Variants in STIM2 observed in about 807,000 individuals in gnomAD.
STIM2 encodes the protein stromal interaction molecule 2.
Under a neutral mutation model 85.8 loss-of-function variants are expected in STIM2, and 31 were observed. That is an observed-to-expected ratio of 0.36 (90% confidence interval 0.27 to 0.49). The LOEUF (loss-of-function observed/expected upper bound fraction) is 0.49, where lower values mean the gene tolerates loss of function less well. Ranked by LOEUF, STIM2 falls within the 20% of genes least tolerant of loss-of-function variation. The pLI, the probability that STIM2 is intolerant of heterozygous loss-of-function variation, is 0.98. For synonymous variants in STIM2, 356 were observed against 331.1 expected, an observed-to-expected ratio of 1.08 and a Z score of -0.82; for missense variants, 841 against 927.6, an observed-to-expected ratio of 0.91 and a Z score of 1.21.
chr4:26,999,966 T>TTAA (rs1474857822), intron 5 of STIM2, among the ~76,000 whole-genome samples: 1 of 152,110 alleles, frequency 6.6e-6, no homozygotes, highest in Non-Finnish European at 1.5e-5. Flanking sequence ...GAAGAGAAAT[T>TTAA]TAATATGTTT....
chr4:27,017,133 C>T (rs897992559), intron 10 of STIM2, among the ~76,000 whole-genome samples: 1 of 152,172 alleles, frequency 6.6e-6, no homozygotes, highest in Non-Finnish European at 1.5e-5. Context: ...GCATGAGTCT[C>T]AACTGAGACT....
intron 3 of STIM2, among the ~76,000 whole-genome samples, chr4:26,962,169 T>C (rs1032561292): frequency 6.6e-6 from 1 of 152,192 alleles, no homozygotes. Flanking sequence ...TTATGAATAG[T>C]GAGGCATTGG....
chr4:26,861,495 C>A (rs1010146867), intron 1 of STIM2, 126 bp downstream of exon 1: 1 of 1,216,570 alleles, frequency 8.2e-7, no homozygotes, highest in Non-Finnish European at 1.0e-6. Context: ...CGATGCGGAG[C>A]CCTGCCTGCT....
rs547199308 is a variant in STIM2 at position 26,892,224 on chromosome 4, T to A, written c.152-27280T>A. ...GTGAAAATGAACGAATACATCAGGC[T>A]TTAAGAAATTACCAAAGACTGCGTG... On this transcript the variant is annotated intron_variant, in intron 1 of 11. Transcript: ENST00000467087. 2.0e-5 allele frequency among the ~76,000 whole-genome samples: 3 copies of A among 152,358 alleles called. No individual in the cohort carries two copies. In the East Asian group the frequency reaches 5.8e-4, roughly 29 times the overall value.
At chr4:26,906,547 A>T (rs1724132929) in intron 1 of STIM2, among the ~76,000 whole-genome samples, 1 of 151,888 alleles carries the variant, frequency 6.6e-6, no homozygotes, top group Admixed American at 6.6e-5. Context: ...CTCAAAAAAA[A>T]TTTAAGATAT....
intron 2 of STIM2, among the ~76,000 whole-genome samples, chr4:26,930,160 A>G (rs1433135008): frequency 6.6e-6 from 1 of 152,186 alleles, no homozygotes; most frequent in Non-Finnish European, 1.5e-5. Context: ...TGTTGATTGC[A>G]TTCAAGGCTG....
chr4:26,943,845 C>CA (rs774610162), intron 2 of STIM2, among the ~76,000 whole-genome samples: 2 of 152,058 alleles, frequency 1.3e-5, no homozygotes, highest in African/African-American at 2.4e-5. Flanking sequence ...TTCCTGTAGT[C>CA]ACACTGAAAA....
chr4:26,994,080 G>A (rs1340332680), intron 3 of STIM2, among the ~76,000 whole-genome samples: 1 of 151,856 alleles, frequency 6.6e-6, no homozygotes, highest in Non-Finnish European at 1.5e-5. Context: ...GTCTTTTCTG[G>A]TTGATGTCAT....
At chr4:26,998,774 T>A (rs1486041091) in intron 4 of STIM2, among the ~76,000 whole-genome samples, 2 of 151,702 alleles carry the variant, frequency 1.3e-5, no homozygotes, top group African/African-American at 4.8e-5. Context: ...TACCCAGGCG[T>A]GGTGGCACGT....
intron 2 of STIM2, among the ~76,000 whole-genome samples, chr4:26,921,180 T>C (rs551858228): frequency 2.4e-4 from 37 of 152,270 alleles, no homozygotes; most frequent in Non-Finnish European, 4.4e-4. Context: ...ATTAGTTTTA[T>C]ATAACTGCAA....
chr4:26,995,305 C>T, intron 3 of STIM2, 74 bp from the exon 4 acceptor site: 1 of 770,434 alleles, frequency 1.3e-6, no homozygotes, highest in Admixed American at 2.8e-5. Context: ...TCTTTATATT[C>T]TCTGAAATTA....
intron 3 of STIM2, among the ~76,000 whole-genome samples, chr4:26,978,930 T>C (rs574146197): frequency 8.5e-4 from 129 of 152,286 alleles, no homozygotes; most frequent in Non-Finnish European, 1.6e-3. Flanking sequence ...TTTCAGAACA[T>C]CTCTAAGTTC....
At position 26,861,275 on chromosome 4, in the gene STIM2, C is replaced by G. The variant is rs748144774; in HGVS notation, c.57C>G (p.Pro19=). ...CGGCGGACGGATGCGAGCTTGTGCC[C>G]CGGCACCTCCGCGGGCGGCGGGCGA... Residue 19 remains proline (P), a synonymous_variant, in exon 1 of 12, where the codon CCC becomes CCG. Coordinates refer to ENST00000467087, the MANE Select transcript of STIM2 (RefSeq NM_020860.4). 1.4e-5 allele frequency: 21 copies of G among 1,463,694 alleles called. No homozygotes were observed. The highest frequency in any genetic ancestry group is 1.7e-5 in the Non-Finnish European group (19 of 1,112,626). 90.7% of individuals were successfully genotyped at this position (1,463,694 alleles called of 1,614,324 possible). A position where few individuals can be genotyped will look rare whatever the true frequency, so the allele number is the denominator to read the frequency against.
At chr4:27,013,197 A>G (rs1291104674) in intron 10 of STIM2, among the ~76,000 whole-genome samples, 1 of 142,346 alleles carries the variant, frequency 7.0e-6, no homozygotes, top group Non-Finnish European at 1.5e-5. Context: ...GTTTCTAGTT[A>G]CCTGTGGTCA....
intron 2 of STIM2, among the ~76,000 whole-genome samples, chr4:26,947,503 C>G (rs2109086066): frequency 6.6e-6 from 1 of 152,236 alleles, no homozygotes; most frequent in East Asian, 1.9e-4. Context: ...GGCCAGGGCT[C>G]TCTTTGCAGA....
chr4:26,863,488 A>T (rs550994955), intron 1 of STIM2, among the ~76,000 whole-genome samples: 17 of 152,186 alleles, frequency 1.1e-4, no homozygotes, highest in Admixed American at 9.8e-4. Flanking sequence ...AAATATTGAA[A>T]ATTTCTTTGA....
At chr4:26,882,462 TG>T (rs1340364659) in intron 1 of STIM2, among the ~76,000 whole-genome samples, 43 of 133,960 alleles carry the variant, frequency 3.2e-4, no homozygotes, top group African/African-American at 8.6e-4. Flanking sequence ...TCTTTTTTTT[TG>T]TTTTTGTTTT....
intron 1 of STIM2, among the ~76,000 whole-genome samples, chr4:26,882,095 T>C (rs1723034339): frequency 6.6e-6 from 1 of 152,198 alleles, no homozygotes; most frequent in Non-Finnish European, 1.5e-5. Context: ...ATTTAGAGTA[T>C]GATTGGTTTC....
chr4:26,942,612 C>T (rs1725653912), intron 2 of STIM2, among the ~76,000 whole-genome samples: 1 of 152,142 alleles, frequency 6.6e-6, no homozygotes, highest in South Asian at 2.1e-4. Flanking sequence ...GTTCAGTTCT[C>T]AGTCTTCATA....
Sources: gnomAD v4.1 joint callset for allele counts (sites outside exome capture counted in the v4.1 genomes callset) on GRCh38, gnomAD v4.1.1 for gene constraint, MANE v1.5 for transcripts, NCBI Gene and HGNC (gene_info 2026-07-23, HGNC 2026-07-21) for gene names.